Variants in GMDS observed in about 807,000 individuals in gnomAD.
GMDS encodes the protein GDP-mannose 4,6 dehydratase.
GMDS carries 20 observed loss-of-function variants against 49.9 expected under a neutral mutation model. The observed-to-expected ratio is 0.40, with a 90% CI of 0.28 to 0.58. The LOEUF is 0.58. Ranked by LOEUF, GMDS falls within the 20% of genes least tolerant of loss-of-function variation. The probability of loss-of-function intolerance (pLI) is 0.42; values close to 1 mark genes in which losing one functional copy is unlikely to be tolerated. For synonymous variants in GMDS, 177 were observed against 178.6 expected, an observed-to-expected ratio of 0.99 and a Z score of 0.07; for missense variants, 362 against 481.4, an observed-to-expected ratio of 0.75 and a Z score of 2.32.
chr6:1,666,071 C>G (rs963583760), intron 9 of GMDS, among the ~76,000 whole-genome samples: 17 of 152,208 alleles, frequency 1.1e-4, no homozygotes, highest in African/African-American at 4.1e-4. Context: ...CACTTCCATT[C>G]ATGTAGGGCT....
chr6:1,661,675 G>A lies in GMDS; in HGVS notation c.988-37135C>T, dbSNP rs113560249. 6.9e-3 allele frequency among the ~76,000 whole-genome samples: 1,050 copies of A among 152,322 alleles called. 5 individuals are homozygous for A. The highest frequency in any genetic ancestry group is 0.024 in the African/African-American group (1,009 of 41,566). ...GACAGGCTGTCCGAGGACCCTGCCC[G>A]GATCTTCCTCAACCACGTTCCAACC... On this transcript the variant is annotated intron_variant, in intron 9 of 10. Coordinates refer to ENST00000380815, the MANE Select transcript of GMDS (RefSeq NM_001500.4).
intron 1 of GMDS, among the ~76,000 whole-genome samples, chr6:2,224,754 G>A (rs143011727): frequency 1.5e-3 from 232 of 152,288 alleles, no homozygotes; most frequent in East Asian, 7.5e-3. Context: ...AAATTATAGC[G>A]TGTCTTCAGG....
At chr6:2,043,545 A>G (rs1769813892) in intron 4 of GMDS, 1 of 152,242 alleles carries the variant, frequency 6.6e-6, no homozygotes, top group African/African-American at 2.4e-5. Context: ...ACCATATGGT[A>G]AGCACTCATT....
chr6:1,717,969 CT>C (rs1766231343), intron 9 of GMDS, among the ~76,000 whole-genome samples: 2 of 152,174 alleles, frequency 1.3e-5, no homozygotes, highest in African/African-American at 4.8e-5. Flanking sequence ...ATTAATGTAA[CT>C]CTTTGATATT....
rs532315149 is a variant in GMDS, at chr6:1,847,535, C to T, written c.771+82568G>A. On this transcript the variant is annotated intron_variant, in intron 7 of 10. Transcript: ENST00000380815. Reference sequence around the variant, plus strand: ...CATCTCTAATTCCATTCCCTAAGTTCCCTTGCACATGTCCCATGCTTACTA... The same window carrying T: ...CATCTCTAATTCCATTCCCTAAGTTTCCTTGCACATGTCCCATGCTTACTA... Among the ~76,000 whole-genome samples, 315 of 152,326 alleles carry T rather than the reference C, an allele frequency of 2.1e-3. 1 individual carries two copies. The highest frequency in any genetic ancestry group is 3.8e-3 in the Admixed American group (58 of 15,306).
chr6:2,085,678 AC>A (rs1772970513), intron 4 of GMDS, among the ~76,000 whole-genome samples: 1 of 152,080 alleles, frequency 6.6e-6, no homozygotes, highest in Non-Finnish European at 1.5e-5. Context: ...ACAGGCGCTC[AC>A]CACCACACCG....
chr6:2,090,916 T>C (rs1304716998), intron 4 of GMDS, among the ~76,000 whole-genome samples: 1 of 152,220 alleles, frequency 6.6e-6, no homozygotes, highest in African/African-American at 2.4e-5. Context: ...ATGATAAATA[T>C]TTGGAAATTC....
intron 7 of GMDS, among the ~76,000 whole-genome samples, chr6:1,781,341 T>C (rs537180230): frequency 2.0e-5 from 3 of 152,306 alleles, no homozygotes; most frequent in South Asian, 4.2e-4. Context: ...CCTTGCCCAG[T>C]GTGCAGATTG....
chr6:2,111,864 T>C (rs1774563791), intron 4 of GMDS, among the ~76,000 whole-genome samples: 1 of 152,136 alleles, frequency 6.6e-6, no homozygotes. Context: ...AGAAACAAAA[T>C]ATGTATTTTT....
chr6:2,097,680 CG>C (rs151064718), intron 4 of GMDS, among the ~76,000 whole-genome samples: 4,126 of 152,010 alleles, frequency 0.027, 201 homozygotes, highest in African/African-American at 0.095. Flanking sequence ...GGAGAGGCCA[CG>C]GGAAGAAGAG....
intron 7 of GMDS, among the ~76,000 whole-genome samples, chr6:1,753,730 C>T (rs1218918884): frequency 6.6e-6 from 1 of 152,200 alleles, no homozygotes; most frequent in Non-Finnish European, 1.5e-5. Flanking sequence ...TTAAGAAACG[C>T]ACTCAAAACC....
intron 4 of GMDS, among the ~76,000 whole-genome samples, chr6:1,997,817 T>C (rs1382234011): frequency 2.6e-5 from 4 of 152,114 alleles, no homozygotes; most frequent in Non-Finnish European, 5.9e-5. Flanking sequence ...GATCAGTTTA[T>C]ACCTCTCTAT....
chr6:1,961,024 G>A (rs1235663081), intron 4 of GMDS, 58 bp from the exon 5 acceptor site: 1 of 1,003,170 alleles, frequency 1.0e-6, no homozygotes. Flanking sequence ...CAAAGGTGCT[G>A]TCAGCAGGAA....
chr6:1,955,889 T>C lies in GMDS; in HGVS notation c.643+3978A>G, dbSNP rs527439803. On this transcript the variant is annotated intron_variant, in intron 6 of 10. Transcript: ENST00000380815. ...CAGGAGTTGTGGTTGTTGGACAAAC[T>C]ATGCTACATGTATATCATCAGTTAC... is the stretch of plus-strand genomic sequence containing the variant. Among the ~76,000 whole-genome samples, 40 of 152,300 alleles carry C rather than the reference T, an allele frequency of 2.6e-4. No individual in the cohort carries two copies. In the South Asian group the frequency reaches 7.9e-3, roughly 30 times the overall value.
At chr6:2,158,875 G>C (rs1704761564) in intron 1 of GMDS, among the ~76,000 whole-genome samples, 1 of 152,202 alleles carries the variant, frequency 6.6e-6, no homozygotes, top group Non-Finnish European at 1.5e-5. Flanking sequence ...GCCAGAGGCG[G>C]TGAGGTGAGC....
chr6:1,693,065 C>T (rs898652448), intron 9 of GMDS, among the ~76,000 whole-genome samples: 5 of 152,184 alleles, frequency 3.3e-5, no homozygotes, highest in Non-Finnish European at 7.3e-5. Flanking sequence ...CTCCTCCTTT[C>T]GTGATTTGTT....
chr6:2,216,880 C>A (rs1348941223), intron 1 of GMDS, among the ~76,000 whole-genome samples: 2 of 152,212 alleles, frequency 1.3e-5, no homozygotes, highest in Non-Finnish European at 2.9e-5. Flanking sequence ...GCAGCCCCTG[C>A]ACCTCAACCC....
intron 1 of GMDS, among the ~76,000 whole-genome samples, chr6:2,210,744 C>G (rs968314949): frequency 1.3e-5 from 2 of 152,232 alleles, no homozygotes; most frequent in African/African-American, 4.8e-5. Flanking sequence ...TACACCCACC[C>G]TCTGCCCTAT....
intron 4 of GMDS, among the ~76,000 whole-genome samples, chr6:2,109,010 T>C (rs1411069516): frequency 1.3e-5 from 2 of 152,204 alleles, no homozygotes; most frequent in Non-Finnish European, 2.9e-5. Flanking sequence ...ATACAGTTAT[T>C]TGAATGAGGA....
Sources: allele counts gnomAD v4.1 joint callset (sites outside exome capture counted in the v4.1 genomes callset), GRCh38; gene constraint gnomAD v4.1.1; transcripts MANE v1.5; gene names NCBI Gene and HGNC (gene_info 2026-07-23, HGNC 2026-07-21).